Variants in COL21A1 observed in about 807,000 individuals in gnomAD.
COL21A1 encodes the protein collagen type XXI alpha 1 chain.
A neutral mutation model predicts 137.9 loss-of-function variants in COL21A1; 149 were observed. That is an observed-to-expected ratio of 1.08 (90% CI 0.95 to 1.24). The LOEUF (loss-of-function observed/expected upper bound fraction) is 1.24, where lower values mean the gene tolerates loss of function less well. COL21A1 is among the 50% of genes most tolerant of loss of function. The probability of loss-of-function intolerance (pLI) is 0.00; values close to 1 mark genes in which losing one functional copy is unlikely to be tolerated. For synonymous variants in COL21A1, 456 were observed against 391.5 expected, an observed-to-expected ratio of 1.16 and a Z score of -1.95; for missense variants, 1,167 against 1,158.4, an observed-to-expected ratio of 1.01 and a Z score of -0.11.
chr6:56,079,416 G>C (rs1767549176), intron 17 of COL21A1, among the ~76,000 whole-genome samples: 1 of 151,684 alleles, frequency 6.6e-6, no homozygotes, highest in Admixed American at 6.6e-5. Flanking sequence ...CACAGTCTGT[G>C]ATGTTAGCAG....
At chr6:56,181,017 G>A (rs1582576857) in intron 2 of COL21A1, among the ~76,000 whole-genome samples, 1 of 152,098 alleles carries the variant, frequency 6.6e-6, no homozygotes, top group South Asian at 2.1e-4. Flanking sequence ...ATTGCCTGTC[G>A]GCTTTATCAT....
At chr6:56,161,898 C>A (rs1167015612) in intron 9 of COL21A1, among the ~76,000 whole-genome samples, 1 of 152,140 alleles carries the variant, frequency 6.6e-6, no homozygotes, top group Non-Finnish European at 1.5e-5. Flanking sequence ...ACAAAAATTT[C>A]TCCTCTGTTT....
At chr6:56,267,313 CT>C in intron 1 of COL21A1, among the ~76,000 whole-genome samples, 1 of 152,260 alleles carries the variant, frequency 6.6e-6, no homozygotes, top group East Asian at 1.9e-4. Context: ...TGGAATGTTC[CT>C]GGTGCATAAA....
At chr6:56,145,847 T>C (rs1200187478) in intron 10 of COL21A1, among the ~76,000 whole-genome samples, 4 of 150,796 alleles carry the variant, frequency 2.7e-5, no homozygotes, top group Non-Finnish European at 3.0e-5. Context: ...AACTTCTTTA[T>C]AAATGAGTCA....
chr6:56,354,916 A>G (rs190529017), intron 1 of COL21A1, among the ~76,000 whole-genome samples: 8 of 152,322 alleles, frequency 5.3e-5, no homozygotes, highest in Admixed American at 5.2e-4. Context: ...GTTCAAGTCT[A>G]TGAAAAAAAG....
chr6:56,211,942 C>A (rs10081146), intron 1 of COL21A1, among the ~76,000 whole-genome samples: 76,706 of 151,790 alleles, frequency 0.51, 19,557 homozygotes, highest in East Asian at 0.69. Context: ...TTTTTCTAAC[C>A]AAGTTTGATG....
intron 1 of COL21A1, among the ~76,000 whole-genome samples, chr6:56,301,858 C>CCTT (rs74644682): frequency 6.6e-6 from 1 of 151,460 alleles, no homozygotes; most frequent in South Asian, 2.1e-4. Context: ...TATTTCTCCC[C>CCTT]CCCCCAATCC....
Position 56,101,439 on chromosome 6 carries a change from C to G in COL21A1, c.1812+33G>C, listed in dbSNP as rs761326477. On this transcript the variant is annotated intron_variant, in intron 17 of 29. Coordinates refer to ENST00000244728, the MANE Select transcript of COL21A1 (RefSeq NM_030820.4). ...GGATTTCGTAACAGGAAAAGAACTT[C>G]ATCTTTTAGAACTGAAATGAGAAGG... The G allele has an allele frequency of 4.6e-6, 7 of 1,513,442 alleles. No individual in the cohort carries two copies. In the Admixed American group the frequency reaches 1.1e-4, roughly 24 times the overall value. The allele number at this position is 1,513,442 out of a possible 1,614,324, so 93.8% of individuals were successfully genotyped here. A position where few individuals can be genotyped will look rare whatever the true frequency, so the allele number is the denominator to read the frequency against.
intron 1 of COL21A1, among the ~76,000 whole-genome samples, chr6:56,326,778 A>C (rs1161573949): frequency 6.6e-6 from 1 of 152,036 alleles, no homozygotes; most frequent in East Asian, 1.9e-4. Context: ...TAAACAGCTC[A>C]TCTGTTCAGT....
At chr6:56,328,550 C>T (rs956158319) in intron 1 of COL21A1, among the ~76,000 whole-genome samples, 7 of 152,092 alleles carry the variant, frequency 4.6e-5, no homozygotes, top group Non-Finnish European at 1.5e-5. Flanking sequence ...GAGACCCTGC[C>T]TGTCACATTT....
intron 1 of COL21A1, among the ~76,000 whole-genome samples, chr6:56,246,943 A>C (rs1288495502): frequency 6.6e-6 from 1 of 152,118 alleles, no homozygotes; most frequent in Non-Finnish European, 1.5e-5. Context: ...AAGGTCCCGG[A>C]GTGAGTCCAT....
At chr6:56,261,154 A>ACCCTCT (rs1349237613) in intron 1 of COL21A1, among the ~76,000 whole-genome samples, 1 of 151,298 alleles carries the variant, frequency 6.6e-6, no homozygotes, top group Non-Finnish European at 1.5e-5. Flanking sequence ...CTCATGCCCC[A>ACCCTCT]CCCTCTCCCT....
At chr6:56,303,976 T>A (rs1303486736) in intron 1 of COL21A1, among the ~76,000 whole-genome samples, 4 of 152,220 alleles carry the variant, frequency 2.6e-5, no homozygotes, top group Non-Finnish European at 4.4e-5. Context: ...CTTTTCTGCA[T>A]CTGTTGAGAG....
At chr6:56,205,504 TTTGA>T (rs1323056619) in intron 1 of COL21A1, among the ~76,000 whole-genome samples, 14 of 152,176 alleles carry the variant, frequency 9.2e-5, no homozygotes, top group African/African-American at 3.1e-4. Context: ...AAAATCTATG[TTTGA>T]TTGGCATACC....
chr6:56,364,023 G>T (rs1766040662), intron 1 of COL21A1, among the ~76,000 whole-genome samples: 1 of 152,174 alleles, frequency 6.6e-6, no homozygotes, highest in Admixed American at 6.6e-5. Context: ...CGTTCAATAG[G>T]TTGGAAAGCT....
intron 1 of COL21A1, among the ~76,000 whole-genome samples, chr6:56,253,170 T>A (rs990710719): frequency 2.0e-5 from 3 of 152,166 alleles, no homozygotes; most frequent in Admixed American, 6.6e-5. Flanking sequence ...CTGAAAATAA[T>A]TGGGAAATAT....
chr6:56,097,442 G>C (rs1389404310), intron 17 of COL21A1, among the ~76,000 whole-genome samples: 1 of 151,860 alleles, frequency 6.6e-6, no homozygotes, highest in African/African-American at 2.4e-5. Flanking sequence ...TCCCCAACTA[G>C]GCTGTAAGCC....
chr6:56,103,122 T>C (rs559467820), intron 16 of COL21A1, among the ~76,000 whole-genome samples: 101 of 152,282 alleles, frequency 6.6e-4, no homozygotes, highest in Non-Finnish European at 1.2e-3. Context: ...TTCTCAAATA[T>C]GGTCCTCAGA....
At chr6:56,322,076 A>C (rs1296503405) in intron 1 of COL21A1, among the ~76,000 whole-genome samples, 1 of 152,126 alleles carries the variant, frequency 6.6e-6, no homozygotes, top group African/African-American at 2.4e-5. Context: ...AGCATTTCCC[A>C]AAGCCAAACT....
Sources: gnomAD v4.1 joint callset for allele counts (sites outside exome capture counted in the v4.1 genomes callset) on GRCh38, gnomAD v4.1.1 for gene constraint, MANE v1.5 for transcripts, NCBI Gene and HGNC (gene_info 2026-07-23, HGNC 2026-07-21) for gene names.